CADPS: variants seen among roughly 807,000 people sequenced by gnomAD.
CADPS encodes the protein calcium dependent secretion activator.
Under a neutral mutation model 167.3 loss-of-function variants are expected in CADPS, and 57 were observed. The ratio of observed to expected loss-of-function variants is 0.34; its 90% CI spans 0.28 to 0.42. CADPS has a LOEUF of 0.42. CADPS is among the 20% of genes least tolerant of loss of function. The pLI, the probability that CADPS is intolerant of heterozygous loss-of-function variation, is 1.00. For missense variants in CADPS, 1,414 were observed against 1,738.1 expected (o/e 0.81, Z 3.32); for synonymous variants, 676 against 635.3 (o/e 1.06, Z -0.96).
intron 9 of CADPS, among the ~76,000 whole-genome samples, chr3:62,559,809 C>T (rs1448222955): frequency 6.6e-6 from 1 of 151,746 alleles, no homozygotes; most frequent in Admixed American, 6.6e-5. Context: ...TTTTTTTAAC[C>T]TGGCATTTCT....
chr3:62,638,318 C>A (rs2066740755), intron 6 of CADPS, among the ~76,000 whole-genome samples: 1 of 152,024 alleles, frequency 6.6e-6, no homozygotes, highest in African/African-American at 2.4e-5. Flanking sequence ...CTCATTCTAT[C>A]ATTACAGGGA....
intron 1 of CADPS, among the ~76,000 whole-genome samples, chr3:62,821,237 T>G (rs1257423641): frequency 6.6e-6 from 1 of 152,212 alleles, no homozygotes. Context: ...AAAACACCAC[T>G]TATTATACTC....
chr3:62,575,595 C>A (rs2082107787), intron 8 of CADPS, among the ~76,000 whole-genome samples: 1 of 152,260 alleles, frequency 6.6e-6, no homozygotes, highest in African/African-American at 2.4e-5. Flanking sequence ...GTTGAGGGAG[C>A]TGAGGCTGAG....
At chr3:62,829,212 A>C (rs764312336) in intron 1 of CADPS, among the ~76,000 whole-genome samples, 2 of 152,196 alleles carry the variant, frequency 1.3e-5, no homozygotes, top group African/African-American at 2.4e-5. Context: ...TTGCAGATTC[A>C]ACCAACCATG....
chr3:62,615,219 G>T (rs1338289767), intron 6 of CADPS, among the ~76,000 whole-genome samples: 2 of 152,086 alleles, frequency 1.3e-5, no homozygotes, highest in Non-Finnish European at 2.9e-5. Flanking sequence ...ATGAAGGAAG[G>T]AAAGAGTAAT....
intron 3 of CADPS, among the ~76,000 whole-genome samples, chr3:62,743,162 TG>T (rs1465116100): frequency 6.6e-6 from 1 of 152,192 alleles, no homozygotes; most frequent in African/African-American, 2.4e-5. Flanking sequence ...GGAATGCTTT[TG>T]GGTGGAAAAG....
intron 3 of CADPS, among the ~76,000 whole-genome samples, chr3:62,729,744 G>A (rs1006601040): frequency 6.6e-6 from 1 of 151,788 alleles, no homozygotes; most frequent in African/African-American, 2.4e-5. Context: ...CAAGTGCTGG[G>A]TAACCTTGTA....
intron 5 of CADPS, among the ~76,000 whole-genome samples, chr3:62,650,475 G>T: frequency 6.6e-6 from 1 of 152,088 alleles, no homozygotes; most frequent in South Asian, 2.1e-4. Flanking sequence ...AAGGATGATG[G>T]GAAAGAAAAT....
intron 11 of CADPS, among the ~76,000 whole-genome samples, chr3:62,548,370 A>G (rs1355641189): frequency 6.7e-6 from 1 of 148,436 alleles, no homozygotes; most frequent in African/African-American, 2.5e-5. Flanking sequence ...GGTGTGGGCA[A>G]TCTCTTTCTT....
At chr3:62,794,784 A>G (rs1383301864) in intron 1 of CADPS, among the ~76,000 whole-genome samples, 2 of 149,206 alleles carry the variant, frequency 1.3e-5, no homozygotes, top group African/African-American at 5.0e-5. Flanking sequence ...GTGGTAAAAA[A>G]AAAAAAAAAA....
intron 3 of CADPS, among the ~76,000 whole-genome samples, chr3:62,702,752 T>A (rs571122525): frequency 1.3e-5 from 2 of 152,278 alleles, no homozygotes; most frequent in South Asian, 4.1e-4. Flanking sequence ...ATGTGGCTAG[T>A]GCAACTGAGG....
chr3:62,691,636 G>A (rs934153429), intron 3 of CADPS, among the ~76,000 whole-genome samples: 3 of 152,046 alleles, frequency 2.0e-5, no homozygotes, highest in Non-Finnish European at 4.4e-5. Context: ...GCAGGGACAT[G>A]GATGGAGTTG....
chr3:62,650,786 T>C lies in CADPS; in HGVS notation c.1203+61A>G, dbSNP rs2069902390. ...GAAAAAACAAGCTGATTGTGACGCA[T>C]CTAATCGCCCATGTCCTACTTGCTG... On this transcript the variant is annotated intron_variant, in intron 5 of 29. Coordinates refer to ENST00000383710, the MANE Select transcript of CADPS (RefSeq NM_003716.4). 1.0e-5 allele frequency: 13 copies of C among 1,245,978 alleles called. No homozygotes were observed. The Middle Eastern group carries it at 2.5e-3, about 242-fold the overall frequency. The allele number at this position is 1,245,978 out of a possible 1,614,324, so 77.2% of individuals were successfully genotyped here.
intron 3 of CADPS, among the ~76,000 whole-genome samples, chr3:62,689,332 C>T (rs527989322): frequency 6.6e-6 from 1 of 151,974 alleles, no homozygotes; most frequent in South Asian, 2.1e-4. Flanking sequence ...CTAAAGAGAC[C>T]ATACACAATG....
At chr3:62,569,686 T>G (rs2080943041) in intron 9 of CADPS, among the ~76,000 whole-genome samples, 3 of 152,210 alleles carry the variant, frequency 2.0e-5, no homozygotes, top group Admixed American at 2.0e-4. Flanking sequence ...CTCTAAATAT[T>G]GGTAGCACTC....
chr3:62,518,288 T>C (rs780642110), intron 13 of CADPS, 38 bp from the exon 14 acceptor site: 12 of 1,420,284 alleles, frequency 8.4e-6, no homozygotes, highest in Admixed American at 7.0e-5. Flanking sequence ...GGGAACCTCA[T>C]ATGCTGACAC....
chr3:62,726,718 A>G (rs1007045396), intron 3 of CADPS, among the ~76,000 whole-genome samples: 16 of 152,100 alleles, frequency 1.1e-4, no homozygotes, highest in Middle Eastern at 3.4e-3. Context: ...AAAGGAAGCA[A>G]AAACACTATT....
rs1469282437 is a variant in CADPS, at chr3:62,402,241, G to GC, written c.3882+839_3882+840insG. Among the ~76,000 whole-genome samples the GC allele has an allele frequency of 6.3e-3, 255 of 40,722 alleles. 1 individual carries two copies. The highest frequency in any genetic ancestry group is 0.032 in the African/African-American group (226 of 7,006). 26.7% of individuals were successfully genotyped at this position (40,722 alleles called of 152,430 possible). A position where few individuals can be genotyped will look rare whatever the true frequency, so the allele number is the denominator to read the frequency against. ...GAGACTAAGAAACGGGGTGGGGGCGGGGGGGGGGGGTGCCCAGGAGTGGGT... is the reference window on the plus strand; with the variant it reads ...GAGACTAAGAAACGGGGTGGGGGCGGCGGGGGGGGGGTGCCCAGGAGTGGGT... On this transcript the variant is annotated intron_variant, in intron 29 of 29. Transcript: ENST00000383710.
intron 7 of CADPS, among the ~76,000 whole-genome samples, chr3:62,586,350 G>A (rs940089609): frequency 2.6e-5 from 4 of 152,144 alleles, no homozygotes; most frequent in South Asian, 2.1e-4. Context: ...GTGGCCGTGA[G>A]GGGCTCATGG....
Sources: allele counts gnomAD v4.1 joint callset (sites outside exome capture counted in the v4.1 genomes callset), GRCh38; gene constraint gnomAD v4.1.1; transcripts MANE v1.5; gene names NCBI Gene and HGNC (gene_info 2026-07-23, HGNC 2026-07-21).